MARS1: variants seen among roughly 807,000 people sequenced by gnomAD.
The protein encoded by MARS1 is methionine--tRNA ligase, cytoplasmic.
Under a neutral mutation model 119.5 loss-of-function variants are expected in MARS1, and 80 were observed. The ratio of observed to expected loss-of-function variants is 0.67; its 90% CI spans 0.56 to 0.81. The LOEUF is 0.81. Among genes scored for constraint, MARS1 ranks in the 30% least tolerant of loss-of-function variants. The pLI is 0.00. For synonymous variants in MARS1, 418 were observed against 433.4 expected (o/e 0.96, Z 0.44); for missense variants, 945 against 1,116.5 (o/e 0.85, Z 2.19).
At chr12:57,500,157 C>T in intron 9 of MARS1, 164 bp from the exon 10 acceptor site, 5 of 683,060 alleles carry the variant, frequency 7.3e-6, no homozygotes, top group Admixed American at 2.0e-5. Context: ...GGTCTGAGCT[C>T]ATCCAGTAAA....
intron 11 of MARS1, chr12:57,511,480 GGTA>G (rs1409260764): frequency 1.8e-6 from 1 of 562,248 alleles, no homozygotes; most frequent in African/African-American, 1.9e-5. Flanking sequence ...GGGAGGTTGA[GGTA>G]GGAGGATTGC....
At chr12:57,511,157 T>A (rs12371589) in intron 11 of MARS1, among the ~76,000 whole-genome samples, 135 of 151,860 alleles carry the variant, frequency 8.9e-4, no homozygotes, top group African/African-American at 3.2e-3. Flanking sequence ...AAAAAAAAAT[T>A]TTTTTTAGGG....
intron 11 of MARS1, among the ~76,000 whole-genome samples, chr12:57,508,544 G>A (rs991372880): frequency 5.9e-5 from 9 of 152,238 alleles, no homozygotes; most frequent in Non-Finnish European, 1.0e-4. Flanking sequence ...GCCCGCAATC[G>A]CAGGCACTCG....
rs1183970153 is a variant in MARS1 at position 57,489,128 on chromosome 12, T to G, written c.200+19T>G. 1.2e-6 allele frequency: 2 copies of G among 1,611,662 alleles called. No individual in the cohort carries two copies. The highest frequency in any genetic ancestry group is 1.7e-6 in the Non-Finnish European group (2 of 1,177,840). On this transcript the variant is annotated intron_variant, in intron 2 of 20. Transcript: ENST00000262027. ...TCTGCCGGTCAGTATTGGTCCTTGG[T>G]GTAGGGAGGTGGCTGAATCAAATCA...
At chr12:57,492,875 A>G (rs1876059123) in intron 7 of MARS1, among the ~76,000 whole-genome samples, 1 of 152,136 alleles carries the variant, frequency 6.6e-6, no homozygotes, top group Admixed American at 6.6e-5. Flanking sequence ...CAGTGGCAGC[A>G]GGCTGGTCAG....
At chr12:57,513,705 C>G (rs1191353549) in intron 15 of MARS1, among the ~76,000 whole-genome samples, 2 of 151,434 alleles carry the variant, frequency 1.3e-5, no homozygotes, top group African/African-American at 2.4e-5. Flanking sequence ...TGGTGCCTAT[C>G]TCAGCTCTTC....
At position 57,493,498 on chromosome 12, in the gene MARS1, T is replaced by C. The variant is rs1215067839; in HGVS notation, c.770+2854T>C. The stretch of plus-strand genomic sequence containing the variant: ...ATAATATATAATATATAATATATTA[T>C]AATATATAATATATAATATATAATA... On this transcript the variant is annotated intron_variant, in intron 7 of 20. Transcript: ENST00000262027. Among the ~76,000 whole-genome samples the C allele has an allele frequency of 3.4e-4, 2 of 5,952 alleles. 1 individual carries two copies. The highest frequency in any genetic ancestry group is 4.9e-4 in the Non-Finnish European group (2 of 4,062). The allele number at this position is 5,952 out of a possible 152,430, so 3.9% of individuals were successfully genotyped here.
intron 1 of MARS1, 116 bp downstream of exon 1, chr12:57,488,315 C>G: frequency 1.1e-6 from 1 of 930,878 alleles, no homozygotes; most frequent in Non-Finnish European, 1.6e-6. Context: ...CAATCGACCA[C>G]TTCTCCTATT....
intron 10 of MARS1, among the ~76,000 whole-genome samples, 168 bp downstream of exon 10, chr12:57,500,690 C>CCTGAGCACTTACTATGTG (rs1374406828): frequency 1.3e-5 from 2 of 152,094 alleles, no homozygotes; most frequent in African/African-American, 2.4e-5. Context: ...AAAAATACTC[C>CCTGAGCACTTACTATGTG]CTGAGCACTT....
intron 18 of MARS1, 26 bp from the exon 19 acceptor site, chr12:57,515,894 A>G (rs1262864400): frequency 1.9e-6 from 3 of 1,581,210 alleles, no homozygotes; most frequent in East Asian, 2.2e-5. Context: ...CAATCAGTAG[A>G]TGATTCTGGA....
chr12:57,498,288 TC>T lies in MARS1; in HGVS notation c.887+16del. The T allele has an allele frequency of 6.2e-7, 1 of 1,609,720 alleles. No homozygotes were observed. Among genetic ancestry groups the T allele is most frequent in the Non-Finnish European group, 8.5e-7 (1 of 1,176,044 alleles). ...GTCTTTGCCAGGTGGAGCCAGCTGC[TC>T]GGGGAGAGACCTCCTAAGGGAAGGG... On this transcript the variant is annotated intron_variant, in intron 8 of 20. Coordinates refer to ENST00000262027, the MANE Select transcript of MARS1 (RefSeq NM_004990.4).
rs933148115 is a variant in MARS1, at chr12:57,512,165, G to A, written c.1635+62G>A. 8.7e-6 allele frequency: 14 copies of A among 1,600,452 alleles called. No individual in the cohort carries two copies. In the African/African-American group the frequency reaches 1.7e-4, roughly 20 times the overall value. On this transcript the variant is annotated intron_variant, in intron 13 of 20. Transcript: ENST00000262027. Reference sequence around the variant, plus strand: ...TAGGCGGTAGGGTGTGGGTGTTAGGGTTGGGTGTCTGGTCTTCCTTGGGCC... The same window carrying A: ...TAGGCGGTAGGGTGTGGGTGTTAGGATTGGGTGTCTGGTCTTCCTTGGGCC...
At chr12:57,488,815 T>C (rs1875680369) in intron 1 of MARS1, 3 of 821,780 alleles carry the variant, frequency 3.7e-6, no homozygotes, top group Non-Finnish European at 5.8e-6. Context: ...TGCTTCCAGC[T>C]GGCAGTTTCA....
intron 15 of MARS1, among the ~76,000 whole-genome samples, chr12:57,514,064 A>C (rs1036743365): frequency 1.3e-5 from 2 of 150,990 alleles, no homozygotes; most frequent in South Asian, 2.1e-4. Context: ...ATCCTCAAAA[A>C]AAAAAAAAAT....
At chr12:57,499,464 C>T (rs1236409048) in intron 9 of MARS1, among the ~76,000 whole-genome samples, 9 of 148,754 alleles carry the variant, frequency 6.1e-5, no homozygotes, top group Non-Finnish European at 1.2e-4. Flanking sequence ...ATTAACCAGG[C>T]GTGGTGGTGG....
chr12:57,515,315 A>G lies in MARS1; in HGVS notation c.2370A>G (p.Pro790=). 6.2e-7 allele frequency: 1 copy of G among 1,613,292 alleles called. No homozygotes were observed. Among genetic ancestry groups the G allele is most frequent in the African/African-American group, 1.3e-5 (1 of 75,046 alleles). ...TGACAAACTTCCTGTGTACCTTACC[A>G]GCAGGACACCAGATTGGCACAGTAG... ...ILLTNFLCTL[P]AGHQIGTVSP... The change falls in exon 18 of 21, where the codon CCA becomes CCG. Residue 790 remains proline, a synonymous_variant. Transcript: ENST00000262027.
At chr12:57,497,502 T>A (rs1481697582) in intron 7 of MARS1, among the ~76,000 whole-genome samples, 1 of 152,102 alleles carries the variant, frequency 6.6e-6, no homozygotes, top group Non-Finnish European at 1.5e-5. Flanking sequence ...TCAAGGATGA[T>A]GAAACTTGAA....
At chr12:57,504,193 C>T (rs1435629053) in intron 10 of MARS1, 32 bp from the exon 11 acceptor site, 1 of 1,552,456 alleles carries the variant, frequency 6.4e-7, no homozygotes, top group African/African-American at 1.4e-5. Flanking sequence ...GGCCTGCAGG[C>T]CTGATCTGTC....
rs1320124519 is a variant in MARS1 at position 57,488,162 on chromosome 12, C to A, written c.72C>A (p.Gly24=). ...PVLAAAGRAR[G]RAEVLISTVG... The stretch of plus-strand genomic sequence containing the variant: ...TGGCCGCCGCCGGGAGAGCCCGGGG[C>A]AGAGCAGAGGTGCTCATCAGCACTG... The change falls in exon 1 of 21, where the codon GGC becomes GGA. Residue 24 remains glycine (G), a synonymous_variant. Transcript: ENST00000262027. 1 of 1,614,146 alleles carries A rather than the reference C, an allele frequency of 6.2e-7. No homozygotes were observed. The highest frequency in any genetic ancestry group is 1.3e-5 in the African/African-American group (1 of 75,046).
Sources: allele counts gnomAD v4.1 joint callset (sites outside exome capture counted in the v4.1 genomes callset), GRCh38; gene constraint gnomAD v4.1.1; transcripts MANE v1.5; gene names NCBI Gene and HGNC (gene_info 2026-07-23, HGNC 2026-07-21).